The following ZBTB7C variants were observed in gnomAD, a reference collection of about 807,000 sequenced individuals.
The protein encoded by ZBTB7C is zinc finger and BTB domain containing 7C.
In ZBTB7C, 8 loss-of-function variants were observed where a neutral mutation model predicts 25.7. The observed-to-expected ratio is 0.31, with a 90% confidence interval of 0.18 to 0.56. ZBTB7C has a LOEUF of 0.56. Among genes scored for constraint, ZBTB7C ranks in the 20% least tolerant of loss-of-function variants. ZBTB7C has a pLI of 0.91. For synonymous variants in ZBTB7C, 394 were observed against 369.0 expected, an observed-to-expected ratio of 1.07 and a Z score of -0.78; for missense variants, 824 against 855.2, an observed-to-expected ratio of 0.96 and a Z score of 0.46.
At chr18:48,214,113 AT>A (rs1020181775) in intron 2 of ZBTB7C, among the ~76,000 whole-genome samples, 1 of 152,202 alleles carries the variant, frequency 6.6e-6, no homozygotes, top group Non-Finnish European at 1.5e-5. Flanking sequence ...CTCCAAGTCA[AT>A]TTTTTAAAAT....
intron 3 of ZBTB7C, among the ~76,000 whole-genome samples, chr18:48,103,946 G>C (rs187877072): frequency 5.3e-5 from 8 of 152,274 alleles, no homozygotes; most frequent in Admixed American, 3.9e-4. Context: ...CAGGTTAGAG[G>C]GAAATGGGGG....
chr18:48,367,238 TAC>T (rs59885270), intron 1 of ZBTB7C, among the ~76,000 whole-genome samples: 34,690 of 92,116 alleles, frequency 0.38, 7,761 homozygotes, highest in East Asian at 0.72. Context: ...CACACATACA[TAC>T]ACACACACAC....
chr18:48,096,110 T>C (rs1054812541), intron 3 of ZBTB7C, among the ~76,000 whole-genome samples: 2 of 152,188 alleles, frequency 1.3e-5, no homozygotes, highest in African/African-American at 4.8e-5. Context: ...CCAGCTCTTT[T>C]ATAGAAGTTT....
intron 2 of ZBTB7C, among the ~76,000 whole-genome samples, chr18:48,234,811 AG>A (rs1298583697): frequency 1.3e-5 from 2 of 152,180 alleles, no homozygotes; most frequent in African/African-American, 2.4e-5. Context: ...CCTGCTCATG[AG>A]GGTGGATTTA....
intron 1 of ZBTB7C, among the ~76,000 whole-genome samples, chr18:48,363,604 T>C (rs2047160089): frequency 6.6e-6 from 1 of 152,206 alleles, no homozygotes; most frequent in South Asian, 2.1e-4. Context: ...ATGAATCCTG[T>C]GACTGAGGAG....
chr18:48,316,329 C>T (rs748009635), intron 2 of ZBTB7C, among the ~76,000 whole-genome samples: 15 of 152,078 alleles, frequency 9.9e-5, no homozygotes, highest in African/African-American at 3.1e-4. Flanking sequence ...TCTGAAGAGC[C>T]GGGACCCCAT....
intron 3 of ZBTB7C, among the ~76,000 whole-genome samples, chr18:48,061,263 A>C (rs1299282474): frequency 6.6e-6 from 1 of 152,238 alleles, no homozygotes; most frequent in Non-Finnish European, 1.5e-5. Flanking sequence ...GATAAAACAA[A>C]GGCTGGATCA....
intron 3 of ZBTB7C, among the ~76,000 whole-genome samples, chr18:48,144,565 C>T (rs1233116199): frequency 1.3e-5 from 2 of 152,070 alleles, no homozygotes; most frequent in Non-Finnish European, 2.9e-5. Flanking sequence ...AGGTTGGTGG[C>T]AAACTCCTGA....
intron 1 of ZBTB7C, among the ~76,000 whole-genome samples, chr18:48,368,237 C>T (rs1225902568): frequency 1.5e-5 from 2 of 136,724 alleles, no homozygotes; most frequent in African/African-American, 5.3e-5. Flanking sequence ...AGGAAGAAAG[C>T]CTAGCAAAAA....
chr18:48,117,801 TAGAC>T (rs1283136968), intron 3 of ZBTB7C, among the ~76,000 whole-genome samples: 8 of 152,240 alleles, frequency 5.3e-5, no homozygotes, highest in Non-Finnish European at 8.8e-5. Context: ...GCTCCCCAGA[TAGAC>T]AGCACCAATT....
intron 2 of ZBTB7C, among the ~76,000 whole-genome samples, chr18:48,230,506 A>C (rs1277943923): frequency 6.6e-6 from 1 of 152,238 alleles, no homozygotes; most frequent in African/African-American, 2.4e-5. Flanking sequence ...GAAGTTTCCC[A>C]GCACCATGAC....
intron 3 of ZBTB7C, among the ~76,000 whole-genome samples, chr18:48,155,547 G>A (rs1381391505): frequency 6.6e-6 from 1 of 151,696 alleles, no homozygotes; most frequent in Non-Finnish European, 1.5e-5. Flanking sequence ...GCATTAGCCA[G>A]GATGGTCGCA....
intron 3 of ZBTB7C, among the ~76,000 whole-genome samples, chr18:48,146,973 CCACCAACTA>C (rs1439085303): frequency 2.0e-5 from 3 of 152,212 alleles, no homozygotes; most frequent in Admixed American, 6.5e-5. Flanking sequence ...CAAGTGTTTT[CCACCAACTA>C]CACACCAGAT....
chr18:48,184,508 C>G (rs2042006006), intron 3 of ZBTB7C, among the ~76,000 whole-genome samples: 1 of 152,118 alleles, frequency 6.6e-6, no homozygotes. Flanking sequence ...GAGGCAGTAC[C>G]TTCAAGAGTG....
At chr18:48,243,270 C>CAAAAAA (rs57410285) in intron 2 of ZBTB7C, among the ~76,000 whole-genome samples, 84 of 88,260 alleles carry the variant, frequency 9.5e-4, no homozygotes, top group Non-Finnish European at 1.4e-3. Context: ...TACCCCCCCA[C>CAAAAAA]AAAAAAAAAA....
rs577695453 is a variant in ZBTB7C, at chr18:48,164,416, ACT to A, written c.-17+21516_-17+21517del. Among the ~76,000 whole-genome samples the A allele has an allele frequency of 2.5e-3, 375 of 152,056 alleles. 1 individual carries two copies. Among genetic ancestry groups the A allele is most frequent in the Non-Finnish European group, 4.5e-3 (307 of 67,954 alleles). On this transcript the variant is annotated intron_variant, in intron 3 of 4. Transcript: ENST00000590800. ...TTTTGGCAAACATGCACATACACAC[ACT>A]CTCATGTTAACCCATACACACAGTC...
intron 3 of ZBTB7C, among the ~76,000 whole-genome samples, chr18:48,072,132 T>C (rs1419324388): frequency 1.3e-5 from 2 of 152,206 alleles, no homozygotes; most frequent in Non-Finnish European, 2.9e-5. Flanking sequence ...GAAGCATGAA[T>C]GAATGAATGA....
chr18:48,142,516 C>T (rs1005501645), intron 3 of ZBTB7C, among the ~76,000 whole-genome samples: 1 of 152,196 alleles, frequency 6.6e-6, no homozygotes, highest in Non-Finnish European at 1.5e-5. Context: ...GGGTCCCAGA[C>T]CTCTGCTCAC....
intron 3 of ZBTB7C, among the ~76,000 whole-genome samples, chr18:48,071,644 A>G (rs113536812): frequency 3.0e-4 from 45 of 152,372 alleles, no homozygotes; most frequent in African/African-American, 1.0e-3. Flanking sequence ...TTTTGAGTAC[A>G]TAATCAAAAA....
Sources: gnomAD v4.1 joint callset for allele counts (sites outside exome capture counted in the v4.1 genomes callset) on GRCh38, gnomAD v4.1.1 for gene constraint, MANE v1.5 for transcripts, NCBI Gene and HGNC (gene_info 2026-07-23, HGNC 2026-07-21) for gene names.